Variants in OLA1 observed in about 807,000 individuals in gnomAD.
OLA1 encodes the protein Obg like ATPase 1.
In OLA1, 14 loss-of-function variants were observed where a neutral mutation model predicts 48.4. The observed-to-expected ratio is 0.29, with a 90% CI of 0.19 to 0.45. The LOEUF is 0.45. Ranked by LOEUF, OLA1 falls within the 20% of genes least tolerant of loss-of-function variation. The probability of loss-of-function intolerance (pLI) is 1.00; values close to 1 mark genes in which losing one functional copy is unlikely to be tolerated. For synonymous variants in OLA1, 127 were observed against 150.4 expected (o/e 0.84, Z 1.14); for missense variants, 325 against 467.1 (o/e 0.70, Z 2.80).
At chr2:174,198,590 G>A (rs1687927615) in intron 4 of OLA1, among the ~76,000 whole-genome samples, 1 of 152,034 alleles carries the variant, frequency 6.6e-6, no homozygotes, top group African/African-American at 2.4e-5. Context: ...AGACCAGCCT[G>A]GCCAAGATGG....
intron 4 of OLA1, among the ~76,000 whole-genome samples, chr2:174,178,272 T>C (rs1687461764): frequency 6.6e-6 from 1 of 152,044 alleles, no homozygotes; most frequent in South Asian, 2.1e-4. Context: ...GGCATAAGCC[T>C]ACGCAAAAGT....
intron 5 of OLA1, among the ~76,000 whole-genome samples, chr2:174,134,364 C>T (rs774787912): frequency 6.7e-4 from 102 of 152,268 alleles, no homozygotes; most frequent in African/African-American, 2.2e-3. Context: ...TTTTGATAGA[C>T]GTACACTTTG....
intron 5 of OLA1, among the ~76,000 whole-genome samples, chr2:174,132,641 A>C (rs1177905592): frequency 6.6e-6 from 1 of 152,188 alleles, no homozygotes; most frequent in Non-Finnish European, 1.5e-5. Flanking sequence ...ACATTTAGAC[A>C]ATTTCTAGTA....
chr2:174,215,314 A>G (rs1057323123), intron 4 of OLA1, among the ~76,000 whole-genome samples: 1 of 152,196 alleles, frequency 6.6e-6, no homozygotes, highest in African/African-American at 2.4e-5. Context: ...TTGTAAAATA[A>G]AATATGTAAA....
chr2:174,158,462 T>G (rs1444530083), intron 4 of OLA1, among the ~76,000 whole-genome samples: 1 of 152,148 alleles, frequency 6.6e-6, no homozygotes, highest in South Asian at 2.1e-4. Context: ...TTAAAAAAAT[T>G]TCTTTCCTGC....
At chr2:174,140,656 C>A (rs12476255) in intron 5 of OLA1, among the ~76,000 whole-genome samples, 19,622 of 152,140 alleles carry the variant, frequency 0.13, 1,460 homozygotes, top group East Asian at 0.21. Context: ...GATTACCCTG[C>A]CCAAAATCCC....
intron 8 of OLA1, among the ~76,000 whole-genome samples, chr2:174,081,672 T>A (rs895876831): frequency 9.2e-5 from 14 of 152,216 alleles, no homozygotes; most frequent in Non-Finnish European, 1.5e-4. Context: ...GTTTTGGCGA[T>A]CATTCCTTCT....
rs879702965 is a variant in OLA1 at position 174,211,209 on chromosome 2, T to A, written c.373+11824A>T. Reference sequence around the variant, plus strand: ...CACACACACACACACACACACACTCTCTCTCTCTCTCTCTTTCTCTCACTA... The same window carrying A: ...CACACACACACACACACACACACTCACTCTCTCTCTCTCTTTCTCTCACTA... On this transcript the variant is annotated intron_variant, in intron 4 of 10. Coordinates refer to ENST00000284719, the MANE Select transcript of OLA1 (RefSeq NM_013341.5). Among the ~76,000 whole-genome samples the A allele has an allele frequency of 6.3e-3, 863 of 137,456 alleles. 8 individuals carry two copies. Among genetic ancestry groups the A allele is most frequent in the Non-Finnish European group, 9.4e-3 (548 of 58,514 alleles). 90.2% of individuals were successfully genotyped at this position (137,456 alleles called of 152,430 possible).
At position 174,075,263 on chromosome 2, in the gene OLA1, G is replaced by GC. The variant is rs1684707575; in HGVS notation, c.*162_*163insG. The GC allele has an allele frequency of 5.7e-6, 3 of 522,320 alleles. No individual in the cohort carries two copies. The highest frequency in any genetic ancestry group is 3.3e-5 in the Admixed American group (1 of 30,106). 32.4% of individuals were successfully genotyped at this position (522,320 alleles called of 1,614,324 possible). A position where few individuals can be genotyped will look rare whatever the true frequency, so the allele number is the denominator to read the frequency against. On this transcript the variant is annotated 3_prime_UTR_variant, in exon 11 of 11. Coordinates refer to ENST00000284719, the MANE Select transcript of OLA1 (RefSeq NM_013341.5). ...TGAACCTGCATTTCATGGGGGGGGG[G>GC]GGGTACACAGTATTTTAATTTTAAA...
chr2:174,190,944 C>CAAAAAAAA (rs774971306), intron 4 of OLA1, among the ~76,000 whole-genome samples: 4 of 32,886 alleles, frequency 1.2e-4, no homozygotes, highest in African/African-American at 2.6e-4. Context: ...GACTTCGTCT[C>CAAAAAAAA]AAAAAAAAAA....
At chr2:174,163,995 A>C (rs1320041534) in intron 4 of OLA1, among the ~76,000 whole-genome samples, 1 of 151,104 alleles carries the variant, frequency 6.6e-6, no homozygotes, top group Non-Finnish European at 1.5e-5. Context: ...ACCTGGTGGG[A>C]GGTAATTGAA....
intron 4 of OLA1, among the ~76,000 whole-genome samples, chr2:174,155,560 C>G (rs34525429): frequency 0.17 from 25,437 of 152,164 alleles, 2,582 homozygotes; most frequent in Non-Finnish European, 0.24. Context: ...ATCTCTTCAT[C>G]CCTGAATTGC....
At chr2:174,097,640 C>A (rs1685287178) in intron 7 of OLA1, among the ~76,000 whole-genome samples, 1 of 150,768 alleles carries the variant, frequency 6.6e-6, no homozygotes, top group African/African-American at 2.4e-5. Context: ...GAGGCTGAGG[C>A]ATAGAACCTG....
At chr2:174,160,965 C>T (rs1364144172) in intron 4 of OLA1, among the ~76,000 whole-genome samples, 1 of 152,142 alleles carries the variant, frequency 6.6e-6, no homozygotes, top group Non-Finnish European at 1.5e-5. Flanking sequence ...TTAAAGTTAA[C>T]TAGGTTTTTA....
chr2:174,186,340 T>A (rs1423842672), intron 4 of OLA1, among the ~76,000 whole-genome samples: 1 of 152,112 alleles, frequency 6.6e-6, no homozygotes, highest in African/African-American at 2.4e-5. Flanking sequence ...AACTCCATAA[T>A]CCAAAAATCT....
At chr2:174,141,550 TTTA>T in intron 5 of OLA1, among the ~76,000 whole-genome samples, 1 of 152,152 alleles carries the variant, frequency 6.6e-6, no homozygotes, top group East Asian at 1.9e-4. Flanking sequence ...TAAACCACAC[TTTA>T]TTAACACTAA....
intron 7 of OLA1, among the ~76,000 whole-genome samples, chr2:174,120,471 G>A (rs2105365877): frequency 6.6e-6 from 1 of 152,296 alleles, no homozygotes; most frequent in South Asian, 2.1e-4. Flanking sequence ...AAAATGGTTT[G>A]TGGATTCACT....
rs1174747360 is a variant in OLA1 at position 174,091,869 on chromosome 2, C to CAAAAAAAAAAAAA, written c.729-9818_729-9806dup. On this transcript the variant is annotated intron_variant, in intron 7 of 10. Transcript: ENST00000284719. Reference sequence around the variant, plus strand: ...CCTGGGAGACAGCGAGACTCTGCCTCAAAAAAAAAAAAAAAAAAAAAAAAA... The same window carrying CAAAAAAAAAAAAA: ...CCTGGGAGACAGCGAGACTCTGCCTCAAAAAAAAAAAAAAAAAAAAAAAAAAAAAAAAAAAAAA... 1.0e-3 allele frequency among the ~76,000 whole-genome samples: 24 copies of CAAAAAAAAAAAAA among 22,982 alleles called. 7 individuals are homozygous for CAAAAAAAAAAAAA. The highest frequency in any genetic ancestry group is 1.2e-3 in the Non-Finnish European group (12 of 10,402). The allele number at this position is 22,982 out of a possible 152,430, so 15.1% of individuals were successfully genotyped here.
At chr2:174,241,859 C>T (rs910044344) in intron 2 of OLA1, among the ~76,000 whole-genome samples, 1 of 152,242 alleles carries the variant, frequency 6.6e-6, no homozygotes, top group Admixed American at 6.5e-5. Context: ...TGTTCTCAAA[C>T]TCCTGACCTC....
Sources: allele counts gnomAD v4.1 joint callset (sites outside exome capture counted in the v4.1 genomes callset), GRCh38; gene constraint gnomAD v4.1.1; transcripts MANE v1.5; gene names NCBI Gene and HGNC (gene_info 2026-07-23, HGNC 2026-07-21).